The following OR2A25 variants were observed in gnomAD, a reference collection of about 807,000 sequenced individuals.
The protein encoded by OR2A25 is olfactory receptor 2A25.
For synonymous variants in OR2A25, 162 were observed against 148.1 expected (o/e 1.09, Z -0.68); for missense variants, 362 against 368.3 (o/e 0.98, Z 0.14).
At position 144,074,287 on chromosome 7, in the gene OR2A25, A is replaced by C. The variant is rs201938428; in HGVS notation, c.68A>C (p.Gln23Pro). 1.3e-4 allele frequency: 217 copies of C among 1,613,874 alleles called. No homozygotes were observed. The highest frequency in any genetic ancestry group is 1.7e-4 in the Non-Finnish European group (200 of 1,179,894). Residue 23 changes from glutamine to proline, a missense_variant, in exon 2 of 2, where the codon CAG becomes CCG. Coordinates refer to ENST00000641663, the MANE Select transcript of OR2A25 (RefSeq NM_001386096.1). ...GGATTTCCCATTGGCCCAAGGATTC[A>C]GATGCTCCTCTTTGGGCTCTTCTCC... ...LLGFPIGPRI[Q>P]MLLFGLFSLF...
At chr7:144,072,528 A>T (rs1176720460) in intron 1 of OR2A25, among the ~76,000 whole-genome samples, 1 of 152,094 alleles carries the variant, frequency 6.6e-6, no homozygotes, top group East Asian at 1.9e-4. Context: ...ACCCATCATG[A>T]AATAATTCAG....
At chr7:144,073,436 A>G (rs2051082228) in intron 1 of OR2A25, among the ~76,000 whole-genome samples, 1 of 151,738 alleles carries the variant, frequency 6.6e-6, no homozygotes, top group Non-Finnish European at 1.5e-5. Context: ...TATACAAATA[A>G]ATAATATAAA....
At chr7:144,071,312 G>T (rs1008826702) in intron 1 of OR2A25, among the ~76,000 whole-genome samples, 3 of 152,046 alleles carry the variant, frequency 2.0e-5, no homozygotes, top group African/African-American at 7.2e-5. Context: ...TTAACATAAT[G>T]ATTTCCATTT....
chr7:144,071,652 G>A (rs761071472), intron 1 of OR2A25, among the ~76,000 whole-genome samples: 10 of 152,108 alleles, frequency 6.6e-5, no homozygotes, highest in Admixed American at 1.3e-4. Flanking sequence ...GTAGCAGGAC[G>A]TAATATATGT....
Position 144,075,254 on chromosome 7 carries a change from T to A in OR2A25, c.*102T>A. The A allele has an allele frequency of 1.2e-6, 1 of 860,580 alleles. No individual in the cohort carries two copies. Among genetic ancestry groups the A allele is most frequent in the Non-Finnish European group, 1.8e-6 (1 of 550,696 alleles). The allele number at this position is 860,580 out of a possible 1,614,324, so 53.3% of individuals were successfully genotyped here. A position where few individuals can be genotyped will look rare whatever the true frequency, so the allele number is the denominator to read the frequency against. On this transcript the variant is annotated 3_prime_UTR_variant, in exon 2 of 2. Coordinates refer to ENST00000641663, the MANE Select transcript of OR2A25 (RefSeq NM_001386096.1). ...CATAATCACACTCTAGAGAACCCTT[T>A]CCATCTTCTTGAAATTTTCCTATGA...
chr7:144,070,161 C>A (rs974326071), intron 1 of OR2A25, among the ~76,000 whole-genome samples: 2 of 152,062 alleles, frequency 1.3e-5, no homozygotes, highest in Non-Finnish European at 2.9e-5. Context: ...CTCTCCACTG[C>A]AACACACTTT....
chr7:144,074,910 G>T lies in OR2A25; in HGVS notation c.691G>T (p.Glu231Ter). The T allele has an allele frequency of 4.3e-6, 7 of 1,614,122 alleles. No individual in the cohort carries two copies. Among genetic ancestry groups the T allele is most frequent in the Non-Finnish European group, 5.9e-6 (7 of 1,180,032 alleles). ...TGCCATTCTAAAGATCCAGTCAGGAGAGGGGTGCCAGAAAGCCTTCTCCAT... is the reference window on the plus strand; with the variant it reads ...TGCCATTCTAAAGATCCAGTCAGGATAGGGGTGCCAGAAAGCCTTCTCCAT... ...LCAILKIQSG[E>*]GCQKAFSICS... The change falls in exon 2 of 2, where the codon GAG (glutamate) becomes TAG (stop). Residue 231 changes from glutamate to a stop codon, truncating the protein, a stop_gained. Coordinates refer to ENST00000641663, the MANE Select transcript of OR2A25 (RefSeq NM_001386096.1). LOFTEE classifies it low-confidence loss of function (END_TRUNC).
chr7:144,075,300 T>G lies in OR2A25; in HGVS notation c.*148T>G, dbSNP rs570141632. The G allele has an allele frequency of 3.2e-5, 20 of 623,904 alleles. No individual in the cohort carries two copies. In the African/African-American group the frequency reaches 3.7e-4, roughly 11 times the overall value. 38.6% of individuals were successfully genotyped at this position (623,904 alleles called of 1,614,324 possible). On this transcript the variant is annotated 3_prime_UTR_variant, in exon 2 of 2. Coordinates refer to ENST00000641663, the MANE Select transcript of OR2A25 (RefSeq NM_001386096.1). ...TATGACTACCTCCCGAGAAAGCCCA[T>G]TCTGCTTTCCTCTCTCCAGCATTGA...
In OR2A25 at chr7:144,074,576, T is replaced by C; in HGVS notation, c.357T>C (p.Tyr119=). The C allele has an allele frequency of 6.2e-7, 1 of 1,614,228 alleles. No homozygotes were observed. Among genetic ancestry groups the C allele is most frequent in the Admixed American group, 1.7e-5 (1 of 60,022 alleles). The stretch of plus-strand genomic sequence containing the variant: ...GTCTCCTCCTGGTGGTGATGTCCTA[T>C]GATCGGTACGTGGCCATCTGCCACC... ...TECLLLVVMS[Y]DRYVAICHPL... The change falls in exon 2 of 2, where the codon TAT becomes TAC. Residue 119 remains tyrosine, a synonymous_variant. Coordinates refer to ENST00000641663, the MANE Select transcript of OR2A25 (RefSeq NM_001386096.1).
At chr7:144,072,035 G>A (rs1427237109) in intron 1 of OR2A25, among the ~76,000 whole-genome samples, 1 of 151,946 alleles carries the variant, frequency 6.6e-6, no homozygotes, top group East Asian at 1.9e-4. Flanking sequence ...TTTCAATAAT[G>A]ATCAGATTAT....
chr7:144,074,425 A>G lies in OR2A25; in HGVS notation c.206A>G (p.Asp69Gly). The change falls in exon 2 of 2, where the codon GAC (aspartate) becomes GGC (glycine). Residue 69 changes from aspartate (D) to glycine (G), a missense_variant. Asp to Gly is a moderately conservative substitution (Grantham distance 94). Coordinates refer to ENST00000641663, the MANE Select transcript of OR2A25 (RefSeq NM_001386096.1). ...TTCCTCTCACACCTGGCGGTCGTCG[A>G]CATCGCCTGTGCTTGCAGCACGGTG... The part of the protein sequence containing the change: ...YFFLSHLAVV[D>G]IACACSTVPQ... 6.2e-7 allele frequency: 1 copy of G among 1,614,150 alleles called. No homozygotes were observed.
At chr7:144,071,554 TGTGA>T (rs1181752256) in intron 1 of OR2A25, among the ~76,000 whole-genome samples, 18 of 151,580 alleles carry the variant, frequency 1.2e-4, no homozygotes, top group Non-Finnish European at 2.2e-4. Context: ...CTGGAATATT[TGTGA>T]GTATTTTTAA....
intron 1 of OR2A25, among the ~76,000 whole-genome samples, chr7:144,072,243 G>T (rs372786562): frequency 2.0e-5 from 3 of 151,922 alleles, no homozygotes; most frequent in South Asian, 4.2e-4. Flanking sequence ...GCTGAAGAAG[G>T]CTATAGAGTC....
At position 144,075,322 on chromosome 7, in the gene OR2A25, T is replaced by C. The variant is rs117311917; in HGVS notation, c.*170T>C. The C allele has an allele frequency of 6.2e-5, 36 of 581,580 alleles. No homozygotes were observed. The highest frequency in any genetic ancestry group is 3.9e-4 in the African/African-American group (21 of 53,888). The allele number at this position is 581,580 out of a possible 1,614,324, so 36.0% of individuals were successfully genotyped here. A position where few individuals can be genotyped will look rare whatever the true frequency, so the allele number is the denominator to read the frequency against. ...CCATTCTGCTTTCCTCTCTCCAGCA[T>C]TGAAGGTCGGAGCTGCACAATTAAT... On this transcript the variant is annotated 3_prime_UTR_variant, in exon 2 of 2. Coordinates refer to ENST00000641663, the MANE Select transcript of OR2A25 (RefSeq NM_001386096.1).
chr7:144,070,893 C>T (rs547750640), intron 1 of OR2A25, among the ~76,000 whole-genome samples: 39 of 151,850 alleles, frequency 2.6e-4, no homozygotes, highest in Middle Eastern at 3.4e-3. Context: ...GATACAGGCA[C>T]GCAATGTGAA....
chr7:144,071,794 T>A (rs2128800018), intron 1 of OR2A25, among the ~76,000 whole-genome samples: 1 of 152,126 alleles, frequency 6.6e-6, no homozygotes, highest in Non-Finnish European at 1.5e-5. Flanking sequence ...AGCATTGTTA[T>A]CTTCATTGGA....
chr7:144,072,507 C>A (rs2051074325), intron 1 of OR2A25, among the ~76,000 whole-genome samples: 1 of 151,914 alleles, frequency 6.6e-6, no homozygotes, highest in South Asian at 2.1e-4. Flanking sequence ...TTTTTTAAAT[C>A]CCAGGCTATG....
At position 144,075,150 on chromosome 7, in the gene OR2A25, T is replaced by C. The variant is rs372255020; in HGVS notation, c.931T>C (p.Ter311ArgextTer8). 1 of 1,599,132 alleles carries C rather than the reference T, an allele frequency of 6.3e-7. No homozygotes were observed. The highest frequency in any genetic ancestry group is 8.5e-7 in the Non-Finnish European group (1 of 1,172,312). ...KRMLEKKRTS[*>R] ...GATGCTTGAAAAGAAGAGAACTTCA[T>C]GAAAGCCTGAAAGAATAGTAAAATA... Residue 311 changes from the stop codon to arginine, a stop_lost, in exon 2 of 2, where the codon TGA (stop) becomes CGA (arginine). Coordinates refer to ENST00000641663, the MANE Select transcript of OR2A25 (RefSeq NM_001386096.1).
chr7:144,074,227 G>A lies in OR2A25; in HGVS notation c.8G>A (p.Gly3Glu), dbSNP rs781251490. ...TGTTTCTTCTACAGGGAAATGGGGG[G>A]AAATCAGACTTCCATCACAGAGTTC... MG[G>E]NQTSITEFLL... The change falls in exon 2 of 2, where the codon GGA becomes GAA. Residue 3 changes from glycine (G) to glutamate (E), a missense_variant. Physicochemically the swap from Gly to Glu is moderately conservative, Grantham distance 98. Transcript: ENST00000641663. The A allele has an allele frequency of 6.2e-7, 1 of 1,613,206 alleles. No homozygotes were observed. Among genetic ancestry groups the A allele is most frequent in the Non-Finnish European group, 8.5e-7 (1 of 1,179,458 alleles).
Sources: gnomAD v4.1 joint callset for allele counts (sites outside exome capture counted in the v4.1 genomes callset) on GRCh38, gnomAD v4.1.1 for gene constraint, MANE v1.5 for transcripts, NCBI Gene and HGNC (gene_info 2026-07-23, HGNC 2026-07-21) for gene names.